CEP89: variants seen among roughly 807,000 people sequenced by gnomAD.
CEP89 encodes the protein centrosomal protein of 89 kDa.
Under a neutral mutation model 97.6 loss-of-function variants are expected in CEP89, and 95 were observed. The ratio of observed to expected loss-of-function variants is 0.97; its 90% confidence interval spans 0.82 to 1.15. CEP89 has a LOEUF of 1.15. Among genes scored for constraint, CEP89 ranks in the 50% most tolerant of loss-of-function variants. The pLI, the probability that CEP89 is intolerant of heterozygous loss-of-function variation, is 0.00. For missense variants in CEP89, 869 were observed against 947.7 expected, an observed-to-expected ratio of 0.92 and a Z score of 1.09; for synonymous variants, 354 against 349.1, an observed-to-expected ratio of 1.01 and a Z score of -0.16.
Position 32,923,424 on chromosome 19 carries a change from C to A in CEP89, c.1268+15G>T. The A allele has an allele frequency of 7.3e-7, 1 of 1,369,686 alleles. No homozygotes were observed. Among genetic ancestry groups the A allele is most frequent in the South Asian group, 1.2e-5 (1 of 80,878 alleles). The allele number at this position is 1,369,686 out of a possible 1,614,324, so 84.8% of individuals were successfully genotyped here. A position where few individuals can be genotyped will look rare whatever the true frequency, so the allele number is the denominator to read the frequency against. ...TTTTAAATTAGCAAAAGAGCAGAAACACAATGCCACTTGCCATTCCTCACT... is the reference window on the plus strand; with the variant it reads ...TTTTAAATTAGCAAAAGAGCAGAAAAACAATGCCACTTGCCATTCCTCACT... On this transcript the variant is annotated intron_variant, in intron 12 of 18. Coordinates refer to ENST00000305768, the MANE Select transcript of CEP89 (RefSeq NM_032816.5).
intron 16 of CEP89, among the ~76,000 whole-genome samples, chr19:32,892,204 TA>T (rs1427406910): frequency 1.4e-4 from 1 of 7,272 alleles, no homozygotes; most frequent in Non-Finnish European, 2.9e-4. Context: ...TATTTAGACA[TA>T]TATATATATA....
chr19:32,959,926 A>G lies in CEP89; in HGVS notation c.279T>C (p.Tyr93=). ...SVEQDSFIEP[Y]ATTSQLRPRP... is the part of the protein sequence containing the mutation. ...GAGGCCTCAGCTGTGAGGTGGTGGCATAGGGCTCGATGAAGCTGTCCTGTT... is the reference window on the plus strand; with the variant it reads ...GAGGCCTCAGCTGTGAGGTGGTGGCGTAGGGCTCGATGAAGCTGTCCTGTT... The change falls in exon 3 of 19, where the codon TAT becomes TAC. Residue 93 remains tyrosine, a synonymous_variant. Coordinates refer to ENST00000305768, the MANE Select transcript of CEP89 (RefSeq NM_032816.5). 6.2e-7 allele frequency: 1 copy of G among 1,614,192 alleles called. No individual in the cohort carries two copies. Among genetic ancestry groups the G allele is most frequent in the Non-Finnish European group, 8.5e-7 (1 of 1,180,042 alleles).
intron 17 of CEP89, among the ~76,000 whole-genome samples, chr19:32,883,376 G>A (rs74506494): frequency 0.21 from 31,957 of 151,678 alleles, 3,510 homozygotes; most frequent in Admixed American, 0.33. Flanking sequence ...AATGCTGGCC[G>A]GGTGCGGTGG....
intron 1 of CEP89, 25 bp downstream of exon 1, chr19:32,971,811 G>A (rs750033831): frequency 1.9e-6 from 3 of 1,580,996 alleles, no homozygotes; most frequent in Non-Finnish European, 2.6e-6. Flanking sequence ...AGAGCCCCAC[G>A]CGCGGCGGGC....
chr19:32,937,748 C>T (rs1970608302), intron 6 of CEP89, 75 bp from the exon 7 acceptor site: 2 of 968,272 alleles, frequency 2.1e-6, no homozygotes, highest in Non-Finnish European at 3.3e-6. Flanking sequence ...GCAGCTAGGT[C>T]ATTAGACAGC....
intron 14 of CEP89, among the ~76,000 whole-genome samples, chr19:32,909,527 G>C (rs1306724821): frequency 2.0e-5 from 3 of 152,186 alleles, no homozygotes; most frequent in Non-Finnish European, 4.4e-5. Context: ...ACATGAAAGA[G>C]AGATCCAGAT....
Position 32,933,723 on chromosome 19 carries a change from C to T in CEP89, c.668-54G>A, listed in dbSNP as rs533434465. ...ATGTTAATTGATGTTGACAATGTTACATCAAAATCAACTGACTTTGTTCCA... is the reference window on the plus strand; with the variant it reads ...ATGTTAATTGATGTTGACAATGTTATATCAAAATCAACTGACTTTGTTCCA... On this transcript the variant is annotated intron_variant, in intron 7 of 18. Coordinates refer to ENST00000305768, the MANE Select transcript of CEP89 (RefSeq NM_032816.5). 22 of 1,157,680 alleles carry T rather than the reference C, an allele frequency of 1.9e-5. No individual in the cohort carries two copies. In the South Asian group the frequency reaches 2.0e-4, roughly 11 times the overall value. 71.7% of individuals were successfully genotyped at this position (1,157,680 alleles called of 1,614,324 possible). A position where few individuals can be genotyped will look rare whatever the true frequency, so the allele number is the denominator to read the frequency against.
chr19:32,961,874 G>A (rs1971176215), intron 2 of CEP89, among the ~76,000 whole-genome samples: 1 of 151,886 alleles, frequency 6.6e-6, no homozygotes, highest in South Asian at 2.1e-4. Flanking sequence ...GAACTCCTGG[G>A]CTCAAGTAAT....
At chr19:32,959,838 C>A (rs753286693) in intron 3 of CEP89, 62 bp downstream of exon 3, 37 of 1,591,656 alleles carry the variant, frequency 2.3e-5, no homozygotes, top group Non-Finnish European at 3.1e-5. Context: ...CACGTAGAGA[C>A]CAGGCTGAGC....
intron 5 of CEP89, among the ~76,000 whole-genome samples, chr19:32,941,013 G>T (rs535229983): frequency 1.3e-5 from 2 of 151,770 alleles, no homozygotes; most frequent in African/African-American, 4.8e-5. Flanking sequence ...CACCTGCCTC[G>T]GCCTCCCAAG....
chr19:32,944,236 A>AAAAAAAAAAAAAAAAAAAAAAAAAC, intron 5 of CEP89, among the ~76,000 whole-genome samples: 1 of 123,904 alleles, frequency 8.1e-6, no homozygotes, highest in Non-Finnish European at 1.7e-5. Context: ...AAAAAAAAAA[A>AAAAAAAAAAAAAAAAAAAAAAAAAC]AGACTCTTCT....
intron 16 of CEP89, among the ~76,000 whole-genome samples, chr19:32,896,250 A>C (rs1378446324): frequency 1.3e-5 from 2 of 152,188 alleles, no homozygotes; most frequent in East Asian, 3.8e-4. Context: ...AAAATAGCAC[A>C]GTATCAGTAC....
chr19:32,901,050 C>A (rs35171769), intron 15 of CEP89, among the ~76,000 whole-genome samples, 195 bp downstream of exon 15: 29,446 of 151,652 alleles, frequency 0.19, 3,210 homozygotes, highest in East Asian at 0.52. Flanking sequence ...TACCGCCTGG[C>A]TAATTTTTGT....
rs754204915 is a variant in CEP89, at chr19:32,948,293, G to T, written c.568C>A (p.Pro190Thr). 1.2e-6 allele frequency: 2 copies of T among 1,610,224 alleles called. No homozygotes were observed. Among genetic ancestry groups the T allele is most frequent in the East Asian group, 4.5e-5 (2 of 44,862 alleles). ...SHQDGFPGSP[P>T]APQRTQQKDG... ...TTTTGTTGTGTCCGCTGTGGTGCAG[G>T]AGGGGAGCCTGGAAACCCATCTTGA... is the stretch of plus-strand genomic sequence containing the variant. The change falls in exon 5 of 19, where the codon CCT becomes ACT. Residue 190 changes from proline (P) to threonine (T), a missense_variant. By Grantham distance (38) the Pro-to-Thr change is conservative (BLOSUM62 -1). Coordinates refer to ENST00000305768, the MANE Select transcript of CEP89 (RefSeq NM_032816.5).
chr19:32,900,105 G>A (rs1326551833), intron 15 of CEP89, 107 bp from the exon 16 acceptor site: 2 of 1,020,560 alleles, frequency 2.0e-6, no homozygotes, highest in Admixed American at 4.5e-5. Context: ...GCATTTAAAT[G>A]CTATTCTTCA....
intron 2 of CEP89, among the ~76,000 whole-genome samples, chr19:32,963,010 G>A (rs971228185): frequency 6.6e-6 from 1 of 152,128 alleles, no homozygotes; most frequent in Non-Finnish European, 1.5e-5. Context: ...AAGATATAAA[G>A]ATGACAAATA....
intron 8 of CEP89, among the ~76,000 whole-genome samples, 170 bp downstream of exon 8, chr19:32,933,281 T>C (rs1486607076): frequency 6.6e-6 from 1 of 152,166 alleles, no homozygotes. Context: ...GTAATAATGA[T>C]ATAGCAGATG....
At chr19:32,897,011 C>CA (rs1245234476) in intron 16 of CEP89, among the ~76,000 whole-genome samples, 3 of 152,010 alleles carry the variant, frequency 2.0e-5, no homozygotes, top group Non-Finnish European at 2.9e-5. Flanking sequence ...ATTAAAAAGA[C>CA]AAAAAATAAC....
intron 17 of CEP89, among the ~76,000 whole-genome samples, chr19:32,884,637 T>C (rs74965845): frequency 0.061 from 9,212 of 152,256 alleles, 883 homozygotes; most frequent in African/African-American, 0.2. Flanking sequence ...TGGAGTGCAG[T>C]GGTGTGATCA....
Sources: gnomAD v4.1 joint callset for allele counts (sites outside exome capture counted in the v4.1 genomes callset) on GRCh38, gnomAD v4.1.1 for gene constraint, MANE v1.5 for transcripts, NCBI Gene and HGNC (gene_info 2026-07-23, HGNC 2026-07-21) for gene names.